XPO1: variants seen among roughly 807,000 people sequenced by gnomAD.
XPO1 encodes exportin 1, also known as exportin-1.
Under a neutral mutation model 133.3 loss-of-function variants are expected in XPO1, and 5 were observed. That is an observed-to-expected ratio of 0.04 (90% CI 0.02 to 0.08). XPO1 has a LOEUF of 0.08. XPO1 is among the 10% of genes least tolerant of loss of function. The pLI is 1.00. For missense variants in XPO1, 506 were observed against 1,267.5 expected (o/e 0.40, Z 9.12); for synonymous variants, 419 against 408.2 (o/e 1.03, Z -0.32).
chr2:61,488,490 G>T, intron 18 of XPO1, 98 bp downstream of exon 18: 2 of 1,353,038 alleles, frequency 1.5e-6, no homozygotes, highest in Non-Finnish European at 2.0e-6. Context: ...TGGGAGGTCT[G>T]ATTTAAATCT....
chr2:61,498,628 T>G (rs775587481), intron 9 of XPO1, 45 bp downstream of exon 9: 1 of 1,606,304 alleles, frequency 6.2e-7, no homozygotes, highest in Non-Finnish European at 8.5e-7. Flanking sequence ...GAAAAGAATA[T>G]ATGTGGCTAT....
chr2:61,479,463 A>AAC (rs397789162), intron 24 of XPO1, among the ~76,000 whole-genome samples: 9 of 151,710 alleles, frequency 5.9e-5, no homozygotes, highest in African/African-American at 2.2e-4. Context: ...CCCAAAAAAA[A>AAC]CAAAAAAAAT....
At chr2:61,530,114 A>G (rs544455637) in intron 2 of XPO1, among the ~76,000 whole-genome samples, 5 of 152,316 alleles carry the variant, frequency 3.3e-5, no homozygotes, top group South Asian at 4.1e-4. Flanking sequence ...TTATCTAACT[A>G]GAGGAAAAGT....
At chr2:61,482,921 C>T (rs758372489) in intron 22 of XPO1, 36 bp downstream of exon 22, 11 of 1,611,962 alleles carry the variant, frequency 6.8e-6, no homozygotes, top group Middle Eastern at 3.3e-4. Flanking sequence ...CTGTGCCCAG[C>T]TGGCACTTAA....
chr2:61,487,387 G>A (rs1436705466), intron 19 of XPO1, among the ~76,000 whole-genome samples: 3 of 151,934 alleles, frequency 2.0e-5, no homozygotes, highest in African/African-American at 4.8e-5. Flanking sequence ...CACATAATAC[G>A]CATGTTCAGA....
chr2:61,504,922 AAG>A (rs1697720870), intron 4 of XPO1, among the ~76,000 whole-genome samples: 1 of 152,242 alleles, frequency 6.6e-6, no homozygotes, highest in Non-Finnish European at 1.5e-5. Flanking sequence ...TAATACATGT[AAG>A]AGAAATCTAA....
At chr2:61,525,695 C>T (rs1698880835) in intron 3 of XPO1, 18 of 1,026,200 alleles carry the variant, frequency 1.8e-5, no homozygotes, top group Non-Finnish European at 1.9e-5. Flanking sequence ...GTATTTTTGA[C>T]CTAAAATTTA....
chr2:61,482,765 C>T, intron 22 of XPO1, 192 bp downstream of exon 22: 3 of 762,002 alleles, frequency 3.9e-6, no homozygotes, highest in Non-Finnish European at 6.1e-6. Flanking sequence ...GCCACCATGC[C>T]CAGTATTTTT....
intron 24 of XPO1, 55 bp downstream of exon 24, chr2:61,481,130 A>G (rs565561957): frequency 8.7e-7 from 1 of 1,155,254 alleles, no homozygotes; most frequent in African/African-American, 1.6e-5. Context: ...ACAATGTAAC[A>G]TAAAAGTGGT....
intron 20 of XPO1, 159 bp downstream of exon 20, chr2:61,485,609 A>C (rs1696654998): frequency 4.3e-6 from 3 of 694,672 alleles, no homozygotes; most frequent in Non-Finnish European, 6.7e-6. Flanking sequence ...CTGGGAAGTA[A>C]GTTCTTGAAA....
At chr2:61,514,674 C>T (rs1331576607) in intron 4 of XPO1, among the ~76,000 whole-genome samples, 1 of 150,938 alleles carries the variant, frequency 6.6e-6, no homozygotes, top group Non-Finnish European at 1.5e-5. Flanking sequence ...AAACTAAAAA[C>T]ATTGTCTATA....
intron 19 of XPO1, among the ~76,000 whole-genome samples, chr2:61,486,905 T>G (rs1696722789): frequency 1.3e-5 from 2 of 152,176 alleles, no homozygotes. Flanking sequence ...TGGTTGGGAT[T>G]ACAGGTGCAT....
chr2:61,495,574 T>G lies in XPO1; in HGVS notation c.928A>C (p.Asn310His). The G allele has an allele frequency of 6.3e-7, 1 of 1,592,954 alleles. No homozygotes were observed. Among genetic ancestry groups the G allele is most frequent in the Non-Finnish European group, 8.6e-7 (1 of 1,166,386 alleles). Reference sequence around the variant, plus strand: ...AAGTTCTGTTCATCATCTTTTCCATTTGAGTACGCAAGTCGAATATTGGTA... The same window carrying G: ...AAGTTCTGTTCATCATCTTTTCCATGTGAGTACGCAAGTCGAATATTGGTA... The part of the protein sequence containing the change: ...LNTNIRLAYS[N>H]GKDDEQNFIQ... Residue 310 changes from asparagine to histidine, a missense_variant, in exon 11 of 25, where the codon AAT becomes CAT. This residue lies in a region of XPO1 where 134 missense variants were observed against 261.6 expected (regional missense o/e 0.51). Coordinates refer to ENST00000401558, the MANE Select transcript of XPO1 (RefSeq NM_003400.4).
At chr2:61,521,459 T>C (rs765081857) in intron 4 of XPO1, among the ~76,000 whole-genome samples, 4 of 152,142 alleles carry the variant, frequency 2.6e-5, no homozygotes, top group Non-Finnish European at 4.4e-5. Flanking sequence ...AAATGAAATA[T>C]AGTAGGTAAA....
intron 9 of XPO1, among the ~76,000 whole-genome samples, chr2:61,497,315 G>A (rs888102907): frequency 3.3e-5 from 5 of 152,104 alleles, no homozygotes; most frequent in African/African-American, 1.2e-4. Flanking sequence ...GGATTCAAGC[G>A]ATTCTCCTGC....
intron 24 of XPO1, chr2:61,480,213 CTAAT>C (rs1696273492): frequency 1.3e-5 from 2 of 151,018 alleles, no homozygotes; most frequent in South Asian, 2.1e-4. Context: ...TCTCCTAAGG[CTAAT>C]TAATAACTGT....
Position 61,502,031 on chromosome 2 carries a change from C to T in XPO1, c.373G>A (p.Val125Met). Residue 125 changes from valine (V) to methionine (M), a missense_variant, in exon 6 of 25, where the codon GTG (valine) becomes ATG (methionine). By Grantham distance (21) the Val-to-Met change is conservative. This residue lies in a region of XPO1 where 68 missense variants were observed against 210.5 expected (regional missense o/e 0.32). Transcript: ENST00000401558. ...ATCATATTTAATTTTCCGATATACACCTTTTCTTTCTAAGGAAAAGTAAAA... is the reference window on the plus strand; with the variant it reads ...ATCATATTTAATTTTCCGATATACATCTTTTCTTTCTAAGGAAAAGTAAAA... ...SDPTCVEKEKVYIGKLNMILV... is the reference protein window; with the variant it reads ...SDPTCVEKEKMYIGKLNMILV... The T allele has an allele frequency of 6.2e-7, 1 of 1,601,868 alleles. No individual in the cohort carries two copies. Among genetic ancestry groups the T allele is most frequent in the Non-Finnish European group, 8.5e-7 (1 of 1,173,372 alleles).
In XPO1 at chr2:61,521,833, G is replaced by A. The variant is rs934733180; in HGVS notation, c.301+778C>T. Among the ~76,000 whole-genome samples the A allele has an allele frequency of 3.3e-5, 5 of 151,998 alleles. No homozygotes were observed. In the East Asian group the frequency reaches 9.6e-4, roughly 29 times the overall value. On this transcript the variant is annotated intron_variant, in intron 4 of 24. Coordinates refer to ENST00000401558, the MANE Select transcript of XPO1 (RefSeq NM_003400.4). ...TACAGTGGCACAATGATGGCTCACT[G>A]CAGTCTCAACCTCTTGGCTCAAGGG...
intron 19 of XPO1, 112 bp from the exon 20 acceptor site, chr2:61,486,074 G>C (rs1482200442): frequency 9.7e-7 from 1 of 1,026,096 alleles, no homozygotes; most frequent in East Asian, 2.7e-5. Flanking sequence ...ACTGAAAACA[G>C]GAAAATCTTG....
Sources: gnomAD v4.1 joint callset for allele counts (sites outside exome capture counted in the v4.1 genomes callset) on GRCh38, gnomAD v4.1.1 for gene constraint, gnomAD v4.1.1 regional missense constraint, MANE v1.5 for transcripts, NCBI Gene and HGNC (gene_info 2026-07-23, HGNC 2026-07-21) for gene names.